The following OGDH variants were observed in gnomAD, a reference collection of about 807,000 sequenced individuals.
OGDH encodes 2-oxoglutarate dehydrogenase complex component E1.
Under a neutral mutation model 116.6 loss-of-function variants are expected in OGDH, and 38 were observed. The observed-to-expected ratio is 0.33, with a 90% CI of 0.25 to 0.43. The LOEUF (loss-of-function observed/expected upper bound fraction) is 0.43, where lower values mean the gene tolerates loss of function less well. Among genes scored for constraint, OGDH ranks in the 20% least tolerant of loss-of-function variants. OGDH has a pLI of 1.00. For synonymous variants in OGDH, 488 were observed against 533.3 expected (o/e 0.92, Z 1.17); for missense variants, 825 against 1,357.2 (o/e 0.61, Z 6.16).
chr7:44,693,510 A>T (rs779719962), intron 10 of OGDH, among the ~76,000 whole-genome samples: 2 of 152,212 alleles, frequency 1.3e-5, no homozygotes, highest in Non-Finnish European at 1.5e-5. Flanking sequence ...ATTTATTTAC[A>T]TATATATGCA....
chr7:44,707,471 T>C lies in OGDH; in HGVS notation c.2796+83T>C. ...CTTCACAGAACAGCCTTGCTTGGGG[T>C]GTGGCCCTCAGGTTCCTGACCTTCC... On this transcript the variant is annotated intron_variant, in intron 21 of 22. Transcript: ENST00000222673. This position sits in a 1 kb window ranked among gnomAD's most constrained non-coding sequence, Gnocchi z 5.2. The C allele has an allele frequency of 1.3e-6, 2 of 1,595,742 alleles. No homozygotes were observed. Among genetic ancestry groups the C allele is most frequent in the South Asian group, 2.2e-5 (2 of 88,926 alleles).
At chr7:44,621,426 A>G (rs1253199267) in intron 1 of OGDH, among the ~76,000 whole-genome samples, 3 of 152,132 alleles carry the variant, frequency 2.0e-5, no homozygotes, top group Non-Finnish European at 4.4e-5. Flanking sequence ...AAGAATGGGT[A>G]TTTACCAGAA....
rs1168770307 is a variant in OGDH at position 44,645,414 on chromosome 7, C to T, written c.310C>T (p.Leu104=). ...TCCCCTTCCCCTGAGCCGAGGCTCCCTGGCTGCTGTGGCCCATGCACAGTC... is the reference window on the plus strand; with the variant it reads ...TCCCCTTCCCCTGAGCCGAGGCTCCTTGGCTGCTGTGGCCCATGCACAGTC... ...QSPLPLSRGS[L]AAVAHAQSLV... Residue 104 remains leucine (L), a synonymous_variant, in exon 3 of 23, where the codon CTG becomes TTG. Transcript: ENST00000222673. The T allele has an allele frequency of 6.2e-7, 1 of 1,614,210 alleles. No homozygotes were observed. Among genetic ancestry groups the T allele is most frequent in the Non-Finnish European group, 8.5e-7 (1 of 1,180,028 alleles).
intron 3 of OGDH, among the ~76,000 whole-genome samples, 179 bp downstream of exon 3, chr7:44,645,697 G>C (rs1284753089): frequency 6.6e-6 from 1 of 152,206 alleles, no homozygotes; most frequent in East Asian, 1.9e-4. Flanking sequence ...AAAAGAACCA[G>C]GCTAGCCCTA....
intron 2 of OGDH, among the ~76,000 whole-genome samples, chr7:44,633,364 G>A (rs1029467274): frequency 6.6e-6 from 1 of 151,894 alleles, no homozygotes; most frequent in African/African-American, 2.4e-5. Context: ...ACAGGTGCTT[G>A]CCTTTGAGGA....
rs142704392 is a variant in OGDH, at chr7:44,698,230, G to A, written c.2397G>A (p.Leu799=). 52 of 1,614,170 alleles carry A rather than the reference G, an allele frequency of 3.2e-5. No individual in the cohort carries two copies. The African/African-American group carries it at 5.5e-4, about 17-fold the overall frequency. ...CCTCCGCCCGCCCAGAGCGGTTCTT[G>A]CAGATGTGCAACGATGACCCAGATG... ...EHSSARPERF[L]QMCNDDPDVL... The change falls in exon 18 of 23, where the codon TTG becomes TTA. Residue 799 remains leucine, a synonymous_variant. Coordinates refer to ENST00000222673, the MANE Select transcript of OGDH (RefSeq NM_002541.4).
At chr7:44,659,516 T>G (rs904021013) in intron 4 of OGDH, among the ~76,000 whole-genome samples, 5 of 152,226 alleles carry the variant, frequency 3.3e-5, no homozygotes, top group African/African-American at 9.6e-5. Flanking sequence ...TCATTTGGGC[T>G]TAGAGGTTAG....
rs748881622 is a variant in OGDH at position 44,681,645 on chromosome 7, T to C, written c.1207-75T>C. ...ACGTTATTTTTTGAAAAACAAATGA[T>C]GCATTTCCTCTGTTTACCTTGTGGA... is the stretch of plus-strand genomic sequence containing the variant. On this transcript the variant is annotated intron_variant, in intron 9 of 22. Coordinates refer to ENST00000222673, the MANE Select transcript of OGDH (RefSeq NM_002541.4). The C allele has an allele frequency of 2.6e-4, 392 of 1,527,938 alleles. 1 individual carries two copies. Among genetic ancestry groups the C allele is most frequent in the Non-Finnish European group, 2.7e-4 (309 of 1,130,464 alleles). 94.6% of individuals were successfully genotyped at this position (1,527,938 alleles called of 1,614,324 possible).
chr7:44,633,720 G>C (rs1266704207), intron 2 of OGDH, among the ~76,000 whole-genome samples: 1 of 152,184 alleles, frequency 6.6e-6, no homozygotes, highest in African/African-American at 2.4e-5. Context: ...GTGTAGCTGG[G>C]CTGGGGTTCC....
At chr7:44,642,322 G>A (rs1785978294) in intron 2 of OGDH, among the ~76,000 whole-genome samples, 1 of 152,206 alleles carries the variant, frequency 6.6e-6, no homozygotes, top group Admixed American at 6.5e-5. Flanking sequence ...TACTCAGGAG[G>A]CTGAAGCAGG....
intron 1 of OGDH, among the ~76,000 whole-genome samples, chr7:44,615,311 C>T (rs922861000): frequency 1.3e-5 from 2 of 152,092 alleles, no homozygotes; most frequent in Non-Finnish European, 2.9e-5. Context: ...GGAGGGATTC[C>T]TTGTTATTGC....
At chr7:44,611,264 G>T (rs1437972406) in intron 1 of OGDH, among the ~76,000 whole-genome samples, 1 of 150,354 alleles carries the variant, frequency 6.7e-6, no homozygotes. Context: ...TGTATTTTTT[G>T]TTTTTTGGTT....
At chr7:44,706,832 C>G (rs560034323) in intron 20 of OGDH, among the ~76,000 whole-genome samples, 1 of 151,994 alleles carries the variant, frequency 6.6e-6, no homozygotes, top group Non-Finnish European at 1.5e-5. Context: ...CCATGTTGCC[C>G]AGGCTGGTCT....
chr7:44,705,051 C>CTTTCTTTTTTTTTTTTTTTTTTTTTTTT, intron 20 of OGDH, among the ~76,000 whole-genome samples: 1 of 93,924 alleles, frequency 1.1e-5, no homozygotes, highest in South Asian at 3.6e-4. Flanking sequence ...TTTTAATTTT[C>CTTTCTTTTTTTTTTTTTTTTTTTTTTTT]TTTTTTTTTT....
Position 44,690,952 on chromosome 7 carries a change from A to G in OGDH, c.1336-2873A>G, listed in dbSNP as rs112121235. 5.9e-4 allele frequency among the ~76,000 whole-genome samples: 90 copies of G among 152,110 alleles called. 1 individual carries two copies. The highest frequency in any genetic ancestry group is 2.0e-3 in the African/African-American group (85 of 41,500). ...ACACCATTTTTTTTTTAATCTCATC[A>G]GTGTCTGACTATTTCTGATCATTTC... On this transcript the variant is annotated intron_variant, in intron 10 of 22. Transcript: ENST00000222673.
intron 2 of OGDH, among the ~76,000 whole-genome samples, chr7:44,643,211 A>G (rs1421589221): frequency 6.6e-6 from 1 of 151,986 alleles, no homozygotes; most frequent in Non-Finnish European, 1.5e-5. Flanking sequence ...CCTAGGCTTA[A>G]GTGATCCTCC....
At chr7:44,626,062 G>A (rs896602324) in intron 2 of OGDH, among the ~76,000 whole-genome samples, 1 of 152,106 alleles carries the variant, frequency 6.6e-6, no homozygotes, top group Non-Finnish European at 1.5e-5. Flanking sequence ...CTTTGTCTCA[G>A]CCTTATTGCC....
chr7:44,655,580 C>A (rs73692176), intron 4 of OGDH, among the ~76,000 whole-genome samples: 7,627 of 152,270 alleles, frequency 0.05, 614 homozygotes, highest in African/African-American at 0.17. Context: ...TACTGCCTAC[C>A]TTCCTGACCC....
intron 4 of OGDH, among the ~76,000 whole-genome samples, chr7:44,660,461 T>C (rs1242506529): frequency 6.6e-6 from 1 of 152,216 alleles, no homozygotes; most frequent in African/African-American, 2.4e-5. Context: ...TATTATTGCT[T>C]TCTAGTTTGA....
Sources: allele counts gnomAD v4.1 joint callset (sites outside exome capture counted in the v4.1 genomes callset), GRCh38; gene constraint gnomAD v4.1.1; non-coding constraint Gnocchi (gnomAD v3.1); transcripts MANE v1.5; gene names NCBI Gene and HGNC (gene_info 2026-07-23, HGNC 2026-07-21).